The following NCKAP5 variants were observed in gnomAD, a reference collection of about 807,000 sequenced individuals.
NCKAP5 encodes the protein NCK associated protein 5.
A neutral mutation model predicts 167.0 loss-of-function variants in NCKAP5; 92 were observed. The ratio of observed to expected loss-of-function variants is 0.55; its 90% CI spans 0.47 to 0.66. The LOEUF (loss-of-function observed/expected upper bound fraction) is 0.66, where lower values mean the gene tolerates loss of function less well. NCKAP5 is among the 30% of genes least tolerant of loss of function. The probability of loss-of-function intolerance (pLI) is 0.00; values close to 1 mark genes in which losing one functional copy is unlikely to be tolerated. For synonymous variants in NCKAP5, 891 were observed against 877.4 expected (o/e 1.02, Z -0.27); for missense variants, 2,378 against 2,315.0 (o/e 1.03, Z -0.56).
Position 132,785,668 on chromosome 2 carries a change from T to A in NCKAP5, c.1143A>T (p.Pro381=), listed in dbSNP as rs747603645. The A allele has an allele frequency of 7.3e-6, 11 of 1,514,622 alleles. 1 individual carries two copies. Among genetic ancestry groups the A allele is most frequent in the South Asian group, 4.1e-5 (3 of 73,970 alleles). 93.8% of individuals were successfully genotyped at this position (1,514,622 alleles called of 1,614,324 possible). A position where few individuals can be genotyped will look rare whatever the true frequency, so the allele number is the denominator to read the frequency against. Residue 381 remains proline, a synonymous_variant, in exon 14 of 20, where the codon CCA becomes CCT. Transcript: ENST00000409261. ...CATTTGTAGGACTAGCAAAGCCACT[T>A]GGGAGCGAAGAATCAATACTTAGCC... ...DKRLSIDSSL[P]SGFASPTNEL...
Position 133,457,246 on chromosome 2 carries a change from T to C in NCKAP5, c.69+60212A>G, listed in dbSNP as rs543757316. Among the ~76,000 whole-genome samples the C allele has an allele frequency of 1.6e-3, 246 of 152,304 alleles. 2 individuals are homozygous for C. The highest frequency in any genetic ancestry group is 8.7e-3 in the South Asian group (42 of 4,824). On this transcript the variant is annotated intron_variant, in intron 3 of 19. Transcript: ENST00000409261. ...AATGATCTTTATAAACCTCCATTAA[T>C]CATGTAATCATCTTTCCATTTTGGA...
intron 11 of NCKAP5, among the ~76,000 whole-genome samples, chr2:132,827,537 T>C (rs1348448061): frequency 1.3e-5 from 2 of 152,252 alleles, no homozygotes; most frequent in African/African-American, 4.8e-5. Flanking sequence ...CCTTATGTGA[T>C]ACTTTAATCC....
At chr2:133,515,953 T>C (rs1359061421) in intron 3 of NCKAP5, among the ~76,000 whole-genome samples, 2 of 152,252 alleles carry the variant, frequency 1.3e-5, no homozygotes, top group African/African-American at 2.4e-5. Flanking sequence ...CTATGAATTA[T>C]TGAAAGACAA....
intron 16 of NCKAP5, among the ~76,000 whole-genome samples, chr2:132,763,702 C>T (rs948423964): frequency 6.6e-6 from 1 of 152,220 alleles, no homozygotes; most frequent in Admixed American, 6.5e-5. Flanking sequence ...AAAGCCAATG[C>T]TCCCAGTTCC....
chr2:133,531,691 G>A (rs1004805877), intron 2 of NCKAP5, among the ~76,000 whole-genome samples: 1 of 152,056 alleles, frequency 6.6e-6, no homozygotes, highest in East Asian at 1.9e-4. Flanking sequence ...ATAAGAATGG[G>A]ATTGATTTCT....
At chr2:133,189,374 G>A (rs959089092) in intron 5 of NCKAP5, among the ~76,000 whole-genome samples, 28 of 151,268 alleles carry the variant, frequency 1.9e-4, no homozygotes, top group East Asian at 3.9e-4. Flanking sequence ...AGCTGGTACC[G>A]TTCCTTCTGA....
At chr2:133,453,973 T>C (rs1691699158) in intron 3 of NCKAP5, among the ~76,000 whole-genome samples, 1 of 152,100 alleles carries the variant, frequency 6.6e-6, no homozygotes, top group Admixed American at 6.6e-5. Flanking sequence ...CATGTATATC[T>C]AATTTACTTT....
At chr2:133,250,685 C>T (rs981498957) in intron 4 of NCKAP5, among the ~76,000 whole-genome samples, 7 of 152,172 alleles carry the variant, frequency 4.6e-5, no homozygotes, top group Non-Finnish European at 7.3e-5. Context: ...TGCCTGTAAC[C>T]CGGACACTTT....
intron 19 of NCKAP5, among the ~76,000 whole-genome samples, chr2:132,720,668 T>G (rs977096114): frequency 6.6e-6 from 1 of 152,106 alleles, no homozygotes; most frequent in Non-Finnish European, 1.5e-5. Flanking sequence ...CTAGAAGCTA[T>G]GGAGGACCGA....
intron 5 of NCKAP5, among the ~76,000 whole-genome samples, chr2:133,148,789 G>A (rs1194871695): frequency 6.6e-6 from 1 of 152,044 alleles, no homozygotes; most frequent in East Asian, 1.9e-4. Context: ...TATCATAAGA[G>A]CTCCACCCTC....
chr2:133,652,898 G>A, the NCKAP5 span, among the ~76,000 whole-genome samples: 81 of 152,278 alleles, frequency 5.3e-4, no homozygotes, highest in African/African-American at 1.9e-3. Flanking sequence ...CCGGTAGATC[G>A]ATTGACAAGT....
At chr2:133,153,833 C>CTTTTTTT (rs570596198) in intron 5 of NCKAP5, among the ~76,000 whole-genome samples, 38 of 109,742 alleles carry the variant, frequency 3.5e-4, no homozygotes, top group African/African-American at 9.6e-4. Flanking sequence ...GTTCCTCCTT[C>CTTTTTTT]TTTTTTTTTT....
chr2:132,731,991 G>A lies in NCKAP5; in HGVS notation c.5189C>T (p.Ser1730Leu), dbSNP rs760508642. 149 of 1,613,742 alleles carry A rather than the reference G, an allele frequency of 9.2e-5. No homozygotes were observed. Among genetic ancestry groups the A allele is most frequent in the Non-Finnish European group, 1.1e-4 (132 of 1,179,862 alleles). ...SGIGTFPLPD[S>L]GNRSTGRYLC... ...GTAGCGTCCTGTCGAGCGATTTCCC[G>A]AGTCTGGGAGTGGAAAGGTTCCGAT... is the stretch of plus-strand genomic sequence containing the variant. Residue 1730 changes from serine to leucine, a missense_variant, in exon 17 of 20, where the codon TCG becomes TTG. Physicochemically the swap from Ser to Leu is moderately radical, Grantham distance 145. Around this residue, in one of 3 missense-constraint regions of NCKAP5, gnomAD observed 1,325 missense variants for 1,274.5 expected, o/e 1.04. Transcript: ENST00000409261.
intron 8 of NCKAP5, among the ~76,000 whole-genome samples, chr2:132,939,401 G>T (rs947867314): frequency 6.6e-6 from 1 of 152,136 alleles, no homozygotes; most frequent in Non-Finnish European, 1.5e-5. Flanking sequence ...CTGATAATAC[G>T]ATGGGTAGGG....
intron 3 of NCKAP5, among the ~76,000 whole-genome samples, chr2:133,486,714 C>G (rs1680940510): frequency 6.6e-6 from 1 of 152,090 alleles, no homozygotes; most frequent in African/African-American, 2.4e-5. Flanking sequence ...TTTTTTCTCT[C>G]AGCAATTTTG....
At chr2:132,705,610 A>G (rs1371551388) in intron 19 of NCKAP5, among the ~76,000 whole-genome samples, 2 of 152,176 alleles carry the variant, frequency 1.3e-5, no homozygotes, top group South Asian at 2.1e-4. Flanking sequence ...GCAAAGCCCC[A>G]GTGGTATCAA....
rs183655566 is a variant in NCKAP5, at chr2:132,960,102, C to T, written c.579+3618G>A. 3.3e-5 allele frequency among the ~76,000 whole-genome samples: 5 copies of T among 152,220 alleles called. No individual in the cohort carries two copies. The East Asian group carries it at 5.8e-4, about 18-fold the overall frequency. Reference sequence around the variant, plus strand: ...AAAAGCTGGCAACAGCTGAAACCAACGTACTCAGTAGAGAAAATCAGGCTA... The same window carrying T: ...AAAAGCTGGCAACAGCTGAAACCAATGTACTCAGTAGAGAAAATCAGGCTA... On this transcript the variant is annotated intron_variant, in intron 8 of 19. Transcript: ENST00000409261.
chr2:133,220,011 G>A (rs2086594719), intron 4 of NCKAP5, among the ~76,000 whole-genome samples: 1 of 152,168 alleles, frequency 6.6e-6, no homozygotes, highest in East Asian at 1.9e-4. Context: ...ATTGGGACTA[G>A]TATCTTTTTC....
At chr2:133,632,466 C>G in the NCKAP5 span, among the ~76,000 whole-genome samples, 9 of 152,336 alleles carry the variant, frequency 5.9e-5, no homozygotes, top group Non-Finnish European at 1.5e-5. Flanking sequence ...TCTTAAGTAA[C>G]TTGGGTCAAT....
Sources: gnomAD v4.1 joint callset for allele counts (sites outside exome capture counted in the v4.1 genomes callset) on GRCh38, gnomAD v4.1.1 for gene constraint, gnomAD v4.1.1 regional missense constraint, MANE v1.5 for transcripts, NCBI Gene and HGNC (gene_info 2026-07-23, HGNC 2026-07-21) for gene names.